HIVEP1: variants seen among roughly 807,000 people sequenced by gnomAD.
HIVEP1 encodes the protein zinc finger protein 40.
A neutral mutation model predicts 180.0 loss-of-function variants in HIVEP1; 36 were observed. That is an observed-to-expected ratio of 0.20 (90% confidence interval 0.15 to 0.26). The LOEUF is 0.26. Among genes scored for constraint, HIVEP1 ranks in the 10% least tolerant of loss-of-function variants. The pLI, the probability that HIVEP1 is intolerant of heterozygous loss-of-function variation, is 1.00. For synonymous variants in HIVEP1, 1,239 were observed against 1,239.0 expected (o/e 1.00, Z 0.00); for missense variants, 3,143 against 3,268.7 (o/e 0.96, Z 0.94).
rs770944799 is a variant in HIVEP1, at chr6:12,122,864, A to T, written c.3069A>T (p.Glu1023Asp). The T allele has an allele frequency of 6.2e-7, 1 of 1,614,140 alleles. No individual in the cohort carries two copies. The highest frequency in any genetic ancestry group is 8.5e-7 in the Non-Finnish European group (1 of 1,179,990). Reference protein sequence around the residue: ...YRVAGSSGIWEQTPQIRKRRK... With the variant: ...YRVAGSSGIWDQTPQIRKRRK... ...TCGCTGGGTCCTCCGGCATCTGGGAACAGACGCCCCAGATAAGAAAAAGGA... is the reference window on the plus strand; with the variant it reads ...TCGCTGGGTCCTCCGGCATCTGGGATCAGACGCCCCAGATAAGAAAAAGGA... The change falls in exon 4 of 9, where the codon GAA becomes GAT. Residue 1023 changes from glutamate to aspartate, a missense_variant. This residue lies in a region of HIVEP1 where 1,357 missense variants were observed against 1,260.5 expected (regional missense o/e 1.08). Transcript: ENST00000379388.
rs953282735 is a variant in HIVEP1, at chr6:12,164,098, G to C, written c.7794G>C (p.Glu2598Asp). ...GCGCAAACCAGGTCAGCAGGACCGA[G>C]TCTCCTCAGGGGTTACCTACAGTCC... ...VASANQVSRTESPQGLPTVQR... is the reference protein window; with the variant it reads ...VASANQVSRTDSPQGLPTVQR... The change falls in exon 9 of 9, where the codon GAG (glutamate) becomes GAC (aspartate). Residue 2598 changes from glutamate (E) to aspartate (D), a missense_variant. Glu to Asp is a conservative substitution (Grantham distance 45). This residue lies in a region of HIVEP1 where 595 missense variants were observed against 602.2 expected (regional missense o/e 0.99). Transcript: ENST00000379388. 1 of 1,614,190 alleles carries C rather than the reference G, an allele frequency of 6.2e-7. No homozygotes were observed. The highest frequency in any genetic ancestry group is 8.5e-7 in the Non-Finnish European group (1 of 1,180,038).
In HIVEP1 at chr6:12,120,995, A is replaced by G. The variant is rs1314688679; in HGVS notation, c.1200A>G (p.Pro400=). ...MCNLLLKDQK[P]KKQGKYICEY... is the part of the protein sequence containing the mutation. The stretch of plus-strand genomic sequence containing the variant: ...ATCTTCTTCTGAAAGATCAGAAGCC[A>G]AAAAAACAAGGAAAATATATTTGTG... Residue 400 remains proline, a synonymous_variant, in exon 4 of 9, where the codon CCA becomes CCG. Coordinates refer to ENST00000379388, the MANE Select transcript of HIVEP1 (RefSeq NM_002114.4). 6.2e-7 allele frequency: 1 copy of G among 1,613,782 alleles called. No individual in the cohort carries two copies. The highest frequency in any genetic ancestry group is 8.5e-7 in the Non-Finnish European group (1 of 1,179,854).
chr6:12,151,072 A>G (rs901581270), intron 7 of HIVEP1, among the ~76,000 whole-genome samples: 7 of 152,228 alleles, frequency 4.6e-5, no homozygotes, highest in Non-Finnish European at 8.8e-5. Context: ...CACCTGACTC[A>G]TCTTCAAATA....
chr6:12,043,528 A>G (rs1224289924), intron 2 of HIVEP1, among the ~76,000 whole-genome samples: 2 of 151,812 alleles, frequency 1.3e-5, no homozygotes, highest in African/African-American at 4.8e-5. Context: ...CACCACAGCC[A>G]GCTAATTTTT....
In HIVEP1 at chr6:12,123,308, C is replaced by T. The variant is rs185049787; in HGVS notation, c.3513C>T (p.Ser1171=). The T allele has an allele frequency of 3.7e-5, 60 of 1,614,064 alleles. No homozygotes were observed. Among genetic ancestry groups the T allele is most frequent in the South Asian group, 9.9e-5 (9 of 91,080 alleles). The change falls in exon 4 of 9, where the codon TCC becomes TCT. Residue 1171 remains serine, a synonymous_variant. Transcript: ENST00000379388. ...AGGAGCTGAATAGAACGGGGAAGTC[C>T]GGGTCTCTAAAAGTGATAGGAATCT... ...SFQELNRTGK[S]GSLKVIGISQ...
chr6:12,121,828 G>C lies in HIVEP1; in HGVS notation c.2033G>C (p.Arg678Pro). 6.2e-7 allele frequency: 1 copy of C among 1,614,138 alleles called. No individual in the cohort carries two copies. Among genetic ancestry groups the C allele is most frequent in the East Asian group, 2.2e-5 (1 of 44,888 alleles). Reference protein sequence around the residue: ...LGSTDSGYFSRSESADQTVSP... With the variant: ...LGSTDSGYFSPSESADQTVSP... ...AGTACGGATTCTGGTTACTTTTCAC[G>C]TTCTGAAAGTGCCGATCAAACAGTG... The change falls in exon 4 of 9, where the codon CGT (arginine) becomes CCT (proline). Residue 678 changes from arginine to proline, a missense_variant. This residue lies in a region of HIVEP1 where 365 missense variants were observed against 344.4 expected (regional missense o/e 1.06). Transcript: ENST00000379388. The surrounding 1 kb of genome is among the most constrained non-coding windows in gnomAD (Gnocchi z 5.3).
At position 12,125,586 on chromosome 6, in the gene HIVEP1, C is replaced by T. The variant is rs1212490645; in HGVS notation, c.5791C>T (p.Leu1931=). The T allele has an allele frequency of 1.2e-6, 2 of 1,614,106 alleles. No homozygotes were observed. The highest frequency in any genetic ancestry group is 2.7e-5 in the African/African-American group (2 of 74,936). Reference sequence around the variant, plus strand: ...GTTTAACATCAAGGACACCCAGCAGCTGGCTTTCCCTAGCCTGAAAACTAC... The same window carrying T: ...GTTTAACATCAAGGACACCCAGCAGTTGGCTTTCCCTAGCCTGAAAACTAC... The part of the protein sequence containing the change: ...SLFNIKDTQQ[L]AFPSLKTTTN... The change falls in exon 4 of 9, where the codon CTG becomes TTG. Residue 1931 remains leucine (L), a synonymous_variant. Coordinates refer to ENST00000379388, the MANE Select transcript of HIVEP1 (RefSeq NM_002114.4).
At chr6:12,068,542 A>G (rs934180333) in intron 2 of HIVEP1, among the ~76,000 whole-genome samples, 1 of 152,214 alleles carries the variant, frequency 6.6e-6, no homozygotes, top group Admixed American at 6.5e-5. Context: ...GCATCAAATA[A>G]ATTGGAAGTA....
At chr6:12,024,138 T>C (rs533523067) in intron 2 of HIVEP1, among the ~76,000 whole-genome samples, 3 of 152,300 alleles carry the variant, frequency 2.0e-5, no homozygotes, top group South Asian at 2.1e-4. Flanking sequence ...CAAAAACTTA[T>C]AACCAAAGAG....
chr6:12,183,513 T>A, the HIVEP1 span, among the ~76,000 whole-genome samples: 14 of 152,346 alleles, frequency 9.2e-5, no homozygotes, highest in Non-Finnish European at 1.5e-4. Context: ...CCTTCTTTTT[T>A]AGATGAGAAG....
chr6:12,109,296 A>G (rs1281030503), intron 3 of HIVEP1, among the ~76,000 whole-genome samples: 1 of 152,182 alleles, frequency 6.6e-6, no homozygotes, highest in Non-Finnish European at 1.5e-5. Flanking sequence ...CCCGGCCGCC[A>G]TTTCTTAAAG....
chr6:12,093,802 G>C (rs1773631513), intron 3 of HIVEP1, among the ~76,000 whole-genome samples: 1 of 151,980 alleles, frequency 6.6e-6, no homozygotes, highest in Admixed American at 6.6e-5. Context: ...GATATATACA[G>C]TGTGCAATAA....
At chr6:12,145,432 G>C (rs949049200) in intron 7 of HIVEP1, among the ~76,000 whole-genome samples, 1 of 151,704 alleles carries the variant, frequency 6.6e-6, no homozygotes, top group Non-Finnish European at 1.5e-5. Context: ...ACTAGTTTAT[G>C]GGTGCAGCAA....
Position 12,124,843 on chromosome 6 carries a change from A to C in HIVEP1, c.5048A>C (p.Gln1683Pro), listed in dbSNP as rs1440872672. The C allele has an allele frequency of 1.2e-6, 2 of 1,614,256 alleles. No individual in the cohort carries two copies. The highest frequency in any genetic ancestry group is 1.7e-6 in the Non-Finnish European group (2 of 1,180,038). The part of the protein sequence containing the change: ...NHSVVPISEE[Q>P]NSVPTLQKGH... ...AGTGTAGTGCCAATCAGTGAAGAAC[A>C]AAATTCTGTGCCAACATTACAAAAA... Residue 1683 changes from glutamine to proline, a missense_variant, in exon 4 of 9, where the codon CAA becomes CCA. Physicochemically the swap from Gln to Pro is moderately conservative, Grantham distance 76. Coordinates refer to ENST00000379388, the MANE Select transcript of HIVEP1 (RefSeq NM_002114.4).
rs2113565322 is a variant in HIVEP1, at chr6:12,015,564, G to A, written c.-65G>A. On this transcript the variant is annotated 5_prime_UTR_variant, in exon 2 of 9. Coordinates refer to ENST00000379388, the MANE Select transcript of HIVEP1 (RefSeq NM_002114.4). ...TGATGTATGTTGAGTTTATGGAGCT[G>A]CCTTTTGGTGGCTTGCTTTATCTGC... is the stretch of plus-strand genomic sequence containing the variant. The A allele has an allele frequency of 1.5e-6, 2 of 1,350,476 alleles. No individual in the cohort carries two copies. The highest frequency in any genetic ancestry group is 2.1e-6 in the Non-Finnish European group (2 of 948,334). The allele number at this position is 1,350,476 out of a possible 1,614,324, so 83.7% of individuals were successfully genotyped here.
chr6:12,149,920 G>T (rs1014011358), intron 7 of HIVEP1, among the ~76,000 whole-genome samples: 1 of 152,184 alleles, frequency 6.6e-6, no homozygotes, highest in Non-Finnish European at 1.5e-5. Flanking sequence ...AGGCTGCGCG[G>T]TACCTGTCTT....
chr6:12,015,457 A>G, intron 1 of HIVEP1, 69 bp from the exon 2 acceptor site: 1 of 587,688 alleles, frequency 1.7e-6, no homozygotes, highest in Non-Finnish European at 3.0e-6. Context: ...TCTGCTAGGC[A>G]GTAACTTTTA....
chr6:12,069,669 A>G (rs760832950), intron 2 of HIVEP1, among the ~76,000 whole-genome samples: 57 of 151,698 alleles, frequency 3.8e-4, no homozygotes, highest in Non-Finnish European at 6.2e-4. Context: ...AAATGTATAC[A>G]TATGTAACTA....
chr6:12,052,045 A>G (rs1359593813), intron 2 of HIVEP1, among the ~76,000 whole-genome samples: 1 of 152,184 alleles, frequency 6.6e-6, no homozygotes, highest in African/African-American at 2.4e-5. Flanking sequence ...ACAGAGATCT[A>G]AGAGGCTGCA....
Sources: gnomAD v4.1 joint callset for allele counts (sites outside exome capture counted in the v4.1 genomes callset) on GRCh38, gnomAD v4.1.1 for gene constraint, gnomAD v4.1.1 regional missense constraint, Gnocchi (gnomAD v3.1) non-coding constraint, MANE v1.5 for transcripts, NCBI Gene and HGNC (gene_info 2026-07-23, HGNC 2026-07-21) for gene names.